Variants in KAT6A observed in about 807,000 individuals in gnomAD.
KAT6A encodes the protein histone acetyltransferase KAT6A.
In KAT6A, 9 loss-of-function variants were observed where a neutral mutation model predicts 198.4. The observed-to-expected ratio is 0.05, with a 90% confidence interval of 0.03 to 0.08. The LOEUF (loss-of-function observed/expected upper bound fraction) is 0.08. KAT6A is among the 10% of genes least tolerant of loss of function. The probability of loss-of-function intolerance (pLI) is 1.00; values close to 1 mark genes in which losing one functional copy is unlikely to be tolerated. For missense variants in KAT6A, 2,077 were observed against 2,509.9 expected (o/e 0.83, Z 3.69); for synonymous variants, 890 against 883.0 (o/e 1.01, Z -0.14).
intron 2 of KAT6A, among the ~76,000 whole-genome samples, chr8:42,004,819 T>G (rs1020845286): frequency 3.3e-5 from 5 of 151,912 alleles, no homozygotes; most frequent in Non-Finnish European, 5.9e-5. Flanking sequence ...TCACAGCTAC[T>G]CAAGAGGCTA....
chr8:42,009,190 A>G (rs1825891400), intron 2 of KAT6A, among the ~76,000 whole-genome samples: 1 of 152,216 alleles, frequency 6.6e-6, no homozygotes, highest in Non-Finnish European at 1.5e-5. Context: ...GTTAACTACA[A>G]TGTGTCTCTT....
At chr8:41,949,683 T>C (rs1244603716) in intron 9 of KAT6A, among the ~76,000 whole-genome samples, 2 of 152,236 alleles carry the variant, frequency 1.3e-5, no homozygotes, top group African/African-American at 4.8e-5. Flanking sequence ...AATGTTTGAT[T>C]TGTGTGAAGA....
intron 15 of KAT6A, among the ~76,000 whole-genome samples, chr8:41,939,018 T>TC (rs1209506255): frequency 2.0e-5 from 3 of 146,344 alleles, no homozygotes. Flanking sequence ...AAGGAGCTTC[T>TC]AATGGTCAAA....
intron 2 of KAT6A, among the ~76,000 whole-genome samples, chr8:42,012,206 A>C (rs1375618481): frequency 6.6e-6 from 1 of 152,238 alleles, no homozygotes; most frequent in Non-Finnish European, 1.5e-5. Flanking sequence ...TTCTTATAAA[A>C]GTTAAACATA....
intron 3 of KAT6A, among the ~76,000 whole-genome samples, 190 bp downstream of exon 3, chr8:41,987,265 A>G (rs1251726422): frequency 2.0e-5 from 3 of 152,204 alleles, no homozygotes. Context: ...GGTTTGTGTC[A>G]GAACACTCGA....
chr8:41,940,809 G>A, intron 15 of KAT6A, 33 bp downstream of exon 15: 1 of 1,578,458 alleles, frequency 6.3e-7, no homozygotes, highest in Non-Finnish European at 8.6e-7. Context: ...ACTGGAATTG[G>A]AGGAAGAGAA....
chr8:42,044,017 A>C (rs1376401525), intron 2 of KAT6A, among the ~76,000 whole-genome samples: 1 of 152,162 alleles, frequency 6.6e-6, no homozygotes, highest in Non-Finnish European at 1.5e-5. Context: ...ATAGTAAATA[A>C]ACACTTTAAT....
intron 2 of KAT6A, among the ~76,000 whole-genome samples, chr8:41,998,671 TACTC>T (rs940339442): frequency 5.3e-5 from 8 of 152,172 alleles, no homozygotes; most frequent in Non-Finnish European, 1.0e-4. Context: ...TATCATTACT[TACTC>T]AGAGCCTTTC....
intron 8 of KAT6A, among the ~76,000 whole-genome samples, chr8:41,967,649 G>A (rs937658662): frequency 6.6e-6 from 1 of 152,042 alleles, no homozygotes; most frequent in African/African-American, 2.4e-5. Context: ...TGGCTACATA[G>A]TATTCCATGG....
rs1034039482 is a variant in KAT6A, at chr8:42,010,547, C to G, written c.601-22984G>C. Among the ~76,000 whole-genome samples the G allele has an allele frequency of 2.6e-5, 4 of 152,166 alleles. 1 individual carries two copies. Among genetic ancestry groups the G allele is most frequent in the East Asian group, 1.9e-4 (1 of 5,200 alleles). The stretch of plus-strand genomic sequence containing the variant: ...TCTGCCTGGCTTTCTTCCACACACA[C>G]GTAGGCAAGTCTCTTCACGATTCCA... On this transcript the variant is annotated intron_variant, in intron 2 of 16. Transcript: ENST00000265713.
At chr8:42,033,817 T>C (rs118045957) in intron 2 of KAT6A, among the ~76,000 whole-genome samples, 1,838 of 152,074 alleles carry the variant, frequency 0.012, 40 homozygotes, top group South Asian at 0.082. Flanking sequence ...AACAAAACAG[T>C]TAAAAATTTT....
At chr8:42,046,811 G>C (rs1247318169) in intron 2 of KAT6A, among the ~76,000 whole-genome samples, 1 of 151,996 alleles carries the variant, frequency 6.6e-6, no homozygotes, top group African/African-American at 2.4e-5. Flanking sequence ...TTTAATAAAT[G>C]CTCAAATTAC....
intron 2 of KAT6A, among the ~76,000 whole-genome samples, chr8:42,009,811 G>T (rs1056209028): frequency 2.9e-5 from 4 of 139,804 alleles, no homozygotes; most frequent in Non-Finnish European, 4.5e-5. Flanking sequence ...GAGGTGAAAG[G>T]ATTACTTGAG....
At chr8:41,976,670 C>A (rs1235114220) in intron 7 of KAT6A, among the ~76,000 whole-genome samples, 2 of 152,206 alleles carry the variant, frequency 1.3e-5, no homozygotes, top group Non-Finnish European at 2.9e-5. Flanking sequence ...GGCATCATAA[C>A]ATTCACCATA....
At position 41,985,766 on chromosome 8, in the gene KAT6A, AT is replaced by A; in HGVS notation, c.709+1688del. On this transcript the variant is annotated intron_variant, in intron 3 of 16. Coordinates refer to ENST00000265713, the MANE Select transcript of KAT6A (RefSeq NM_006766.5). ...TTCAGCCCTGACAATGATTTCACAA[AT>A]ACCTAATTCTTATACTTAACTTCCT... Among the ~76,000 whole-genome samples the A allele has an allele frequency of 2.0e-5, 3 of 152,292 alleles. No individual in the cohort carries two copies. In the South Asian group the frequency reaches 6.2e-4, roughly 32 times the overall value.
Position 41,981,915 on chromosome 8 carries a change from A to G in KAT6A, c.749T>C (p.Val250Ala). 3.7e-6 allele frequency: 6 copies of G among 1,614,036 alleles called. No individual in the cohort carries two copies. Among genetic ancestry groups the G allele is most frequent in the Non-Finnish European group, 5.1e-6 (6 of 1,179,912 alleles). Residue 250 changes from valine to alanine, a missense_variant, in exon 4 of 17, where the codon GTT becomes GCT. By Grantham distance (64) the Val-to-Ala change is moderately conservative. Coordinates refer to ENST00000265713, the MANE Select transcript of KAT6A (RefSeq NM_006766.5). Reference sequence around the variant, plus strand: ...CTGCCACCGTAAGGCCTTCACTCGAACCGTTAGTTCAGGGGAAAACTTTAA... The same window carrying G: ...CTGCCACCGTAAGGCCTTCACTCGAGCCGTTAGTTCAGGGGAAAACTTTAA... ...SCLKFSPELT[V>A]RVKALRWQCI... is the part of the protein sequence containing the mutation.
intron 2 of KAT6A, among the ~76,000 whole-genome samples, chr8:41,995,141 A>G (rs1035252054): frequency 2.0e-5 from 3 of 152,258 alleles, no homozygotes; most frequent in Non-Finnish European, 2.9e-5. Context: ...TAATTGAATT[A>G]CCTTGTAGAA....
rs746899278 is a variant in KAT6A, at chr8:41,933,025, T to C, written c.5195A>G (p.Tyr1732Cys). ...ACCAAAATCCCCTGGAATCCTCTCA[T>C]AGATACTTATGTTCCCAGTGCTTCC... Reference protein sequence around the residue: ...ESGSTGNISIYERIPGDFGAG... With the variant: ...ESGSTGNISICERIPGDFGAG... The change falls in exon 17 of 17, where the codon TAT (tyrosine) becomes TGT (cysteine). Residue 1732 changes from tyrosine (Y) to cysteine (C), a missense_variant. Tyr to Cys is a radical substitution (Grantham distance 194). Coordinates refer to ENST00000265713, the MANE Select transcript of KAT6A (RefSeq NM_006766.5). This position sits in a 1 kb window ranked among gnomAD's most constrained non-coding sequence, Gnocchi z 6.2. The C allele has an allele frequency of 1.9e-6, 3 of 1,613,734 alleles. No homozygotes were observed. The highest frequency in any genetic ancestry group is 2.2e-5 in the South Asian group (2 of 91,084).
chr8:41,978,577 G>A (rs892324009), intron 6 of KAT6A, 65 bp downstream of exon 6: 1 of 1,502,340 alleles, frequency 6.7e-7, no homozygotes, highest in Non-Finnish European at 9.0e-7. Flanking sequence ...GAAAACAAGT[G>A]AATCCTACAC....
Sources: gnomAD v4.1 joint callset for allele counts (sites outside exome capture counted in the v4.1 genomes callset) on GRCh38, gnomAD v4.1.1 for gene constraint, Gnocchi (gnomAD v3.1) non-coding constraint, MANE v1.5 for transcripts, NCBI Gene and HGNC (gene_info 2026-07-23, HGNC 2026-07-21) for gene names.